DGKG: variants seen among roughly 807,000 people sequenced by gnomAD.
DGKG encodes diacylglycerol kinase gamma.
DGKG carries 78 observed loss-of-function variants against 105.3 expected under a neutral mutation model. The observed-to-expected ratio is 0.74, with a 90% CI of 0.62 to 0.89. The LOEUF (loss-of-function observed/expected upper bound fraction) is 0.89. Ranked by LOEUF, DGKG falls within the 40% of genes least tolerant of loss-of-function variation. DGKG has a pLI of 0.00. For synonymous variants in DGKG, 346 were observed against 367.1 expected (o/e 0.94, Z 0.66); for missense variants, 958 against 1,020.1 (o/e 0.94, Z 0.83).
At chr3:186,252,483 C>A (rs190511939) in intron 18 of DGKG, among the ~76,000 whole-genome samples, 1 of 152,210 alleles carries the variant, frequency 6.6e-6, no homozygotes, top group African/African-American at 2.4e-5. Flanking sequence ...CATTTTCTGG[C>A]GCATGTCCAA....
At chr3:186,220,176 A>T (rs1024813048) in intron 20 of DGKG, among the ~76,000 whole-genome samples, 4 of 152,252 alleles carry the variant, frequency 2.6e-5, no homozygotes, top group African/African-American at 9.6e-5. Context: ...AATAATCAAA[A>T]TGGGGAAACA....
chr3:186,343,757 G>A (rs891126974), intron 1 of DGKG, among the ~76,000 whole-genome samples: 4 of 152,044 alleles, frequency 2.6e-5, no homozygotes, highest in Admixed American at 2.6e-4. Flanking sequence ...ACATTTTGCT[G>A]TAAATTCTTT....
chr3:186,205,656 G>T (rs1246699493), intron 21 of DGKG, among the ~76,000 whole-genome samples: 1 of 152,016 alleles, frequency 6.6e-6, no homozygotes, highest in Non-Finnish European at 1.5e-5. Flanking sequence ...GTTTCAGTGG[G>T]CTGAGATTGC....
At chr3:186,355,736 A>C (rs1726924527) in intron 1 of DGKG, among the ~76,000 whole-genome samples, 1 of 151,890 alleles carries the variant, frequency 6.6e-6, no homozygotes, top group African/African-American at 2.4e-5. Context: ...TCACTGTCCT[A>C]CCACCAGCAT....
intron 22 of DGKG, among the ~76,000 whole-genome samples, chr3:186,186,745 G>C (rs777189410): frequency 6.6e-6 from 1 of 152,216 alleles, no homozygotes; most frequent in Non-Finnish European, 1.5e-5. Context: ...TGTCCATTGA[G>C]GACCTGTGAG....
intron 2 of DGKG, among the ~76,000 whole-genome samples, chr3:186,308,019 C>T (rs1003360813): frequency 2.0e-5 from 3 of 152,018 alleles, no homozygotes; most frequent in Non-Finnish European, 4.4e-5. Flanking sequence ...GTATTTCTCA[C>T]ATATTTCTGA....
chr3:186,314,526 G>C (rs1054790059), intron 2 of DGKG, among the ~76,000 whole-genome samples: 1 of 152,074 alleles, frequency 6.6e-6, no homozygotes, highest in Non-Finnish European at 1.5e-5. Context: ...AGGTCGAGGC[G>C]GGTGGATCAC....
chr3:186,311,879 G>T (rs1724562199), intron 2 of DGKG, among the ~76,000 whole-genome samples: 1 of 129,438 alleles, frequency 7.7e-6, no homozygotes, highest in African/African-American at 4.8e-5. Context: ...CACTTTGGGA[G>T]GCCGAGGCGG....
At chr3:186,288,186 G>C (rs1723155852) in intron 6 of DGKG, among the ~76,000 whole-genome samples, 1 of 152,112 alleles carries the variant, frequency 6.6e-6, no homozygotes, top group Non-Finnish European at 1.5e-5. Flanking sequence ...TCGTTCTCTA[G>C]AGGCCAAGAA....
chr3:186,356,813 T>C (rs1225793872), intron 1 of DGKG, among the ~76,000 whole-genome samples: 2 of 152,152 alleles, frequency 1.3e-5, no homozygotes, highest in East Asian at 3.9e-4. Context: ...TCTTAAGAGC[T>C]GGTTCAGGAC....
intron 21 of DGKG, among the ~76,000 whole-genome samples, chr3:186,196,840 G>A (rs1718204938): frequency 6.6e-6 from 1 of 152,200 alleles, no homozygotes; most frequent in African/African-American, 2.4e-5. Context: ...CAGGGACTCT[G>A]GGGTGAGTCG....
chr3:186,331,736 T>C (rs1465218941), intron 1 of DGKG, among the ~76,000 whole-genome samples: 3 of 152,154 alleles, frequency 2.0e-5, no homozygotes, highest in African/African-American at 7.2e-5. Flanking sequence ...AAGAAGAGTG[T>C]TTGTAGCTCA....
At chr3:186,189,863 C>T (rs376487968) in intron 21 of DGKG, among the ~76,000 whole-genome samples, 3 of 152,072 alleles carry the variant, frequency 2.0e-5, no homozygotes, top group Admixed American at 1.3e-4. Context: ...CTCTTGTTTC[C>T]ACCAGTTGGT....
chr3:186,301,004 T>C (rs746907794), intron 3 of DGKG, among the ~76,000 whole-genome samples: 3 of 152,242 alleles, frequency 2.0e-5, no homozygotes, highest in Non-Finnish European at 2.9e-5. Flanking sequence ...TTTCTGTTAA[T>C]GCCAATGACA....
intron 22 of DGKG, among the ~76,000 whole-genome samples, chr3:186,166,094 G>C (rs1011887493): frequency 6.6e-6 from 1 of 152,202 alleles, no homozygotes; most frequent in Non-Finnish European, 1.5e-5. Context: ...GGAGATATTT[G>C]AGTTTGTCTT....
chr3:186,275,640 C>A lies in DGKG; in HGVS notation c.817G>T (p.Ala273Ser), dbSNP rs754026198. 5 of 1,613,878 alleles carry A rather than the reference C, an allele frequency of 3.1e-6. No individual in the cohort carries two copies. The highest frequency in any genetic ancestry group is 4.2e-6 in the Non-Finnish European group (5 of 1,180,030). Residue 273 changes from alanine (A) to serine (S), a missense_variant, in exon 10 of 25, where the codon GCC (alanine) becomes TCC (serine). By Grantham distance (99) the Ala-to-Ser change is moderately conservative (BLOSUM62 1). This residue lies in a region of DGKG where 643 missense variants were observed against 619.5 expected (regional missense o/e 1.04). Transcript: ENST00000265022. ...TTCTTGAAGTGCTTCATGGTCCAGGCGTGCCGCCCATCCCCCTTGGAGCCC... is the reference window on the plus strand; with the variant it reads ...TTCTTGAAGTGCTTCATGGTCCAGGAGTGCCGCCCATCCCCCTTGGAGCCC... Reference protein sequence around the residue: ...DSGSKGDGRHAWTMKHFKKPT... With the variant: ...DSGSKGDGRHSWTMKHFKKPT...
In DGKG at chr3:186,353,368, A is replaced by ACCCCATCTCT. The variant is rs1234833689; in HGVS notation, c.-249+8577_-249+8578insAGAGATGGGG. Among the ~76,000 whole-genome samples the ACCCCATCTCT allele has an allele frequency of 4.6e-5, 7 of 151,764 alleles. No individual in the cohort carries two copies. In the East Asian group the frequency reaches 1.4e-3, roughly 29 times the overall value. ...ACCCCATCTCTATTAAAAACACAAAAATTAGCCAGATGTGGTGGCATGCAT... is the reference window on the plus strand; with the variant it reads ...ACCCCATCTCTATTAAAAACACAAAACCCCATCTCTATTAGCCAGATGTGGTGGCATGCAT... On this transcript the variant is annotated intron_variant, in intron 1 of 24. Transcript: ENST00000265022.
chr3:186,317,825 G>A (rs531096490), intron 2 of DGKG, among the ~76,000 whole-genome samples: 14 of 152,242 alleles, frequency 9.2e-5, no homozygotes, highest in Non-Finnish European at 1.6e-4. Flanking sequence ...TTGAGGGCAG[G>A]AACTGTGTCT....
At position 186,341,836 on chromosome 3, in the gene DGKG, A is replaced by G. The variant is rs531060572; in HGVS notation, c.-249+20110T>C. 3.9e-5 allele frequency among the ~76,000 whole-genome samples: 6 copies of G among 152,354 alleles called. No homozygotes were observed. In the East Asian group the frequency reaches 1.2e-3, roughly 29 times the overall value. ...ATACACCATGGAATACTATGCAGCCATAAAAAATGATGAGTTCATGTCCTT... is the reference window on the plus strand; with the variant it reads ...ATACACCATGGAATACTATGCAGCCGTAAAAAATGATGAGTTCATGTCCTT... On this transcript the variant is annotated intron_variant, in intron 1 of 24. Transcript: ENST00000265022.
Sources: gnomAD v4.1 joint callset for allele counts (sites outside exome capture counted in the v4.1 genomes callset) on GRCh38, gnomAD v4.1.1 for gene constraint, gnomAD v4.1.1 regional missense constraint, MANE v1.5 for transcripts, NCBI Gene and HGNC (gene_info 2026-07-23, HGNC 2026-07-21) for gene names.